The following TBX1 variants were observed in gnomAD, a reference collection of about 807,000 sequenced individuals.
TBX1 encodes the protein T-box transcription factor TBX1.
In TBX1, 16 loss-of-function variants were observed where a neutral mutation model predicts 40.8. That is an observed-to-expected ratio of 0.39 (90% CI 0.27 to 0.60). TBX1 has a LOEUF of 0.60. Among genes scored for constraint, TBX1 ranks in the 20% least tolerant of loss-of-function variants. The pLI, the probability that TBX1 is intolerant of heterozygous loss-of-function variation, is 0.51. For missense variants in TBX1, 755 were observed against 728.5 expected, an observed-to-expected ratio of 1.04 and a Z score of -0.42; for synonymous variants, 403 against 336.8, an observed-to-expected ratio of 1.20 and a Z score of -2.15.
intron 2 of TBX1, chr22:19,763,635 C>A: frequency 2.1e-6 from 1 of 479,790 alleles, no homozygotes. Flanking sequence ...CGGACTTCTT[C>A]AAGTCTCCCT....
chr22:19,779,194 T>C, intron 8 of TBX1: 1 of 1,613,906 alleles, frequency 6.2e-7, no homozygotes, highest in African/African-American at 1.3e-5. Flanking sequence ...CTTCATCCAC[T>C]CTCATTGGAT....
At chr22:19,775,288 T>G (rs1937048140) in intron 8 of TBX1, among the ~76,000 whole-genome samples, 1 of 150,844 alleles carries the variant, frequency 6.6e-6, no homozygotes, top group Admixed American at 6.6e-5. Flanking sequence ...AGAGACGGGG[T>G]TTCACCATGT....
At chr22:19,758,174 G>A (rs1936528769), upstream of TBX1, among the ~76,000 whole-genome samples, 3 of 152,192 alleles carry the variant, frequency 2.0e-5, no homozygotes, top group African/African-American at 7.2e-5. Context: ...CTGAGGTCCT[G>A]AGATCCTAAA....
chr22:19,761,731 A>G lies in TBX1; in HGVS notation c.437+451A>G, dbSNP rs573339129. On this transcript the variant is annotated intron_variant, in intron 1 of 6. Transcript: ENST00000649276. Reference sequence around the variant, plus strand: ...TTCTGGAGTTCAGTCTATGCGGGCAAGATAAAGAGCGGCAGCCGGGCAACT... The same window carrying G: ...TTCTGGAGTTCAGTCTATGCGGGCAGGATAAAGAGCGGCAGCCGGGCAACT... 4.6e-5 allele frequency among the ~76,000 whole-genome samples: 7 copies of G among 152,366 alleles called. No homozygotes were observed. The South Asian group carries it at 1.4e-3, about 32-fold the overall frequency.
chr22:19,757,608 G>C (rs1202221662), upstream of TBX1, among the ~76,000 whole-genome samples: 1 of 152,172 alleles, frequency 6.6e-6, no homozygotes, highest in Non-Finnish European at 1.5e-5. Context: ...TCTGGGTGCA[G>C]ACTGCCAACA....
Position 19,766,067 on chromosome 22 carries a change from T to G in TBX1, c.1036+65T>G, listed in dbSNP as rs543755910. The G allele has an allele frequency of 7.7e-6, 10 of 1,291,010 alleles. No homozygotes were observed. The South Asian group carries it at 1.7e-4, about 22-fold the overall frequency. 80.0% of individuals were successfully genotyped at this position (1,291,010 alleles called of 1,614,324 possible). On this transcript the variant is annotated intron_variant, in intron 6 of 6. Coordinates refer to ENST00000649276, the MANE Select transcript of TBX1 (RefSeq NM_001379200.1). ...CGCGCTCTACCCCGGGCCGGCGGCCTCGCCCGACCTCGCCTGCGCCCCCGG... is the reference window on the plus strand; with the variant it reads ...CGCGCTCTACCCCGGGCCGGCGGCCGCGCCCGACCTCGCCTGCGCCCCCGG...
chr22:19,780,776 G>GGTTTT (rs1555898567), downstream of TBX1, among the ~76,000 whole-genome samples: 1,925 of 118,796 alleles, frequency 0.016, 85 homozygotes, highest in African/African-American at 0.063. Context: ...CTTGTTTTCT[G>GGTTTT]TTTTTTTTTT....
chr22:19,757,747 A>G (rs1402308709), upstream of TBX1, among the ~76,000 whole-genome samples: 1 of 152,194 alleles, frequency 6.6e-6, no homozygotes, highest in African/African-American at 2.4e-5. Flanking sequence ...GAGAGGAAGG[A>G]AAGGGGCCTG....
chr22:19,758,628 G>A (rs1021528324), upstream of TBX1, among the ~76,000 whole-genome samples: 9 of 152,168 alleles, frequency 5.9e-5, no homozygotes, highest in African/African-American at 1.9e-4. Flanking sequence ...TCTCCAACAT[G>A]TCCTCGTGTC....
chr22:19,761,354 G>C, intron 1 of TBX1, 74 bp downstream of exon 1: 1 of 1,416,286 alleles, frequency 7.1e-7, no homozygotes. Context: ...CGCCTGATCC[G>C]CGCGAGCGGG....
chr22:19,767,793 G>A (rs1205936945), downstream of TBX1, among the ~76,000 whole-genome samples: 4 of 152,256 alleles, frequency 2.6e-5, no homozygotes, highest in Non-Finnish European at 4.4e-5. Flanking sequence ...GGTGCTGGGA[G>A]GGGGAGAAGC....
chr22:19,778,439 C>CTT (rs111819861), intron 8 of TBX1, among the ~76,000 whole-genome samples: 87 of 143,996 alleles, frequency 6.0e-4, no homozygotes, highest in South Asian at 3.7e-3. Flanking sequence ...TTTTCTTCTT[C>CTT]TTTTTTTTTT....
At chr22:19,760,078 A>G (rs926516474), upstream of TBX1, among the ~76,000 whole-genome samples, 3 of 152,216 alleles carry the variant, frequency 2.0e-5, no homozygotes, top group South Asian at 2.1e-4. Context: ...AAAAAACCCA[A>G]AGAAGAAGGT....
At position 19,765,952 on chromosome 22, in the gene TBX1, G is replaced by A; in HGVS notation, c.986G>A (p.Arg329His). 1 of 1,521,662 alleles carries A rather than the reference G, an allele frequency of 6.6e-7. No homozygotes were observed. 94.3% of individuals were successfully genotyped at this position (1,521,662 alleles called of 1,614,324 possible). A position where few individuals can be genotyped will look rare whatever the true frequency, so the allele number is the denominator to read the frequency against. The change falls in exon 6 of 7, where the codon CGC becomes CAC. Residue 329 changes from arginine (R) to histidine (H), a missense_variant. By Grantham distance (29) the Arg-to-His change is conservative. Transcript: ENST00000649276. The part of the protein sequence containing the change: ...GALPLMSAFA[R>H]SRNPVASPTQ... ...CTGCCGCTCATGAGCGCCTTCGCGC[G>A]CTCGCGGAACCCCGTGGCTTCCCCG...
At chr22:19,759,586 G>A (rs892355124), upstream of TBX1, 5 of 1,603,428 alleles carry the variant, frequency 3.1e-6, no homozygotes, top group African/African-American at 1.3e-5. Flanking sequence ...CCGCCCACCA[G>A]GGCTCAGGGT....
In TBX1 at chr22:19,767,069, A is replaced by C; in HGVS notation, c.*202A>C. The C allele has an allele frequency of 1.6e-6, 2 of 1,275,426 alleles. No homozygotes were observed. The highest frequency in any genetic ancestry group is 3.3e-5 in the East Asian group (1 of 30,476). The allele number at this position is 1,275,426 out of a possible 1,614,324, so 79.0% of individuals were successfully genotyped here. On this transcript the variant is annotated 3_prime_UTR_variant, in exon 7 of 7. Transcript: ENST00000649276. ...GGGCTATCGAAGTATCCGGTTCCCC[A>C]GTCCCTGGAGCCACCGCGGGTCCTT...
At chr22:19,779,649 T>C, downstream of TBX1, 1 of 929,724 alleles carries the variant, frequency 1.1e-6, no homozygotes, top group Non-Finnish European at 1.5e-6. Flanking sequence ...AAACTCATTA[T>C]AAACACTTCT....
Position 19,760,885 on chromosome 22 carries a change from G to T in TBX1, c.42G>T (p.Ser14=). 1 of 1,054,522 alleles carries T rather than the reference G, an allele frequency of 9.5e-7. No homozygotes were observed. Among genetic ancestry groups the T allele is most frequent in the Non-Finnish European group, 1.2e-6 (1 of 865,288 alleles). 65.3% of individuals were successfully genotyped at this position (1,054,522 alleles called of 1,614,324 possible). ...CCAGCCCGTGGCTCACGCAGCTCTC[G>T]CATTTCTGCGACGTTGCAGCCTTCA... is the stretch of plus-strand genomic sequence containing the variant. ...AVSSPWLTQL[S]HFCDVAAFTA... The change falls in exon 1 of 7, where the codon TCG becomes TCT. Residue 14 remains serine, a synonymous_variant. Transcript: ENST00000649276.
At chr22:19,771,433 T>C (rs1246825033), downstream of TBX1, among the ~76,000 whole-genome samples, 1 of 152,254 alleles carries the variant, frequency 6.6e-6, no homozygotes, top group East Asian at 1.9e-4. Context: ...CTGCCAGGTC[T>C]GTGTGTGGGA....
Sources: allele counts gnomAD v4.1 joint callset (sites outside exome capture counted in the v4.1 genomes callset), GRCh38; gene constraint gnomAD v4.1.1; transcripts MANE v1.5; gene names NCBI Gene and HGNC (gene_info 2026-07-23, HGNC 2026-07-21).